The following PPP2R2B variants were observed in gnomAD, a reference collection of about 807,000 sequenced individuals.
PPP2R2B encodes the protein serine/threonine-protein phosphatase 2A 55 kDa regulatory subunit B beta isoform.
Under a neutral mutation model 46.0 loss-of-function variants are expected in PPP2R2B, and 5 were observed. The ratio of observed to expected loss-of-function variants is 0.11; its 90% CI spans 0.06 to 0.23. PPP2R2B has a LOEUF of 0.23. Ranked by LOEUF, PPP2R2B falls within the 10% of genes least tolerant of loss-of-function variation. The pLI is 1.00. For missense variants in PPP2R2B, 367 were observed against 575.0 expected (o/e 0.64, Z 3.70); for synonymous variants, 215 against 206.7 (o/e 1.04, Z -0.34).
At chr5:146,928,172 G>A (rs544605039) in intron 1 of PPP2R2B, among the ~76,000 whole-genome samples, 21 of 152,264 alleles carry the variant, frequency 1.4e-4, no homozygotes, top group African/African-American at 4.8e-4. Context: ...CTCAGCTCCT[G>A]TGACAGTTTT....
At chr5:146,685,646 A>T (rs768298839) in intron 5 of PPP2R2B, among the ~76,000 whole-genome samples, 2 of 152,228 alleles carry the variant, frequency 1.3e-5, no homozygotes, top group Non-Finnish European at 2.9e-5. Flanking sequence ...CCAGTGTCTT[A>T]GACGGTACCT....
At chr5:147,058,263 G>A (rs1267932583), upstream of PPP2R2B, among the ~76,000 whole-genome samples, 3 of 152,116 alleles carry the variant, frequency 2.0e-5, no homozygotes, top group Non-Finnish European at 4.4e-5. Context: ...CAAATGAAGT[G>A]GATTTGAGCC....
chr5:146,712,089 T>C (rs747181049), intron 2 of PPP2R2B, among the ~76,000 whole-genome samples: 14 of 152,220 alleles, frequency 9.2e-5, no homozygotes, highest in Non-Finnish European at 1.5e-4. Context: ...TCCTAAAACA[T>C]GAGGTCCCGA....
At chr5:146,606,295 T>C (rs1049918087) in intron 7 of PPP2R2B, among the ~76,000 whole-genome samples, 2 of 152,102 alleles carry the variant, frequency 1.3e-5, no homozygotes, top group Admixed American at 1.3e-4. Context: ...CTCATGCCCA[T>C]GTAGAGGGGT....
chr5:147,039,898 C>A (rs943245600), intron 1 of PPP2R2B, among the ~76,000 whole-genome samples: 2 of 152,038 alleles, frequency 1.3e-5, no homozygotes, highest in Non-Finnish European at 2.9e-5. Context: ...ATAAAGGGAC[C>A]AACAAATGGC....
intron 2 of PPP2R2B, chr5:146,707,418 G>A (rs1438634307): frequency 1.7e-5 from 13 of 774,928 alleles, no homozygotes; most frequent in Non-Finnish European, 2.1e-5. Flanking sequence ...TGACTGGGAC[G>A]GCAGTGATGC....
chr5:146,878,619 G>C lies in PPP2R2B; in HGVS notation c.-153C>G. The C allele has an allele frequency of 1.6e-6, 2 of 1,244,950 alleles. No individual in the cohort carries two copies. The highest frequency in any genetic ancestry group is 3.4e-4 in the Middle Eastern group (1 of 2,914). 77.1% of individuals were successfully genotyped at this position (1,244,950 alleles called of 1,614,324 possible). A position where few individuals can be genotyped will look rare whatever the true frequency, so the allele number is the denominator to read the frequency against. On this transcript the variant is annotated 5_prime_UTR_variant, in exon 1 of 10. Transcript: ENST00000394411. The surrounding 1 kb of genome is among the most constrained non-coding windows in gnomAD (Gnocchi z 4.5). Reference sequence around the variant, plus strand: ...GCCGGAATGAGGGTGCTGGTCCCACGGGAGGGCGGCTCCGGCAGGCGGGGG... The same window carrying C: ...GCCGGAATGAGGGTGCTGGTCCCACCGGAGGGCGGCTCCGGCAGGCGGGGG...
intron 1 of PPP2R2B, among the ~76,000 whole-genome samples, chr5:146,888,084 C>T (rs1375520172): frequency 6.6e-6 from 1 of 152,146 alleles, no homozygotes; most frequent in Admixed American, 6.5e-5. Flanking sequence ...GTACACTCCT[C>T]AGGCTCACTT....
chr5:146,592,193 C>A, intron 9 of PPP2R2B: 1 of 426,180 alleles, frequency 2.3e-6, no homozygotes. Flanking sequence ...TCCTTCCAAG[C>A]CTGCTAAGGA....
chr5:146,704,851 A>C (rs545765589), intron 2 of PPP2R2B, among the ~76,000 whole-genome samples: 17 of 152,314 alleles, frequency 1.1e-4, no homozygotes, highest in African/African-American at 3.8e-4. Flanking sequence ...TGTGAGGCTA[A>C]TGATTGTGAG....
chr5:146,975,524 A>G (rs1752858250), intron 1 of PPP2R2B, among the ~76,000 whole-genome samples: 1 of 152,194 alleles, frequency 6.6e-6, no homozygotes, highest in Non-Finnish European at 1.5e-5. Flanking sequence ...TATATATCTG[A>G]AGTGGAATGG....
intron 8 of PPP2R2B, among the ~76,000 whole-genome samples, chr5:146,599,703 G>A (rs142905554): frequency 5.3e-4 from 80 of 152,218 alleles, no homozygotes; most frequent in African/African-American, 1.9e-3. Flanking sequence ...GAACATGCAG[G>A]TTTGTTACAT....
chr5:146,676,380 C>T (rs1326104243), intron 5 of PPP2R2B, among the ~76,000 whole-genome samples: 1 of 152,158 alleles, frequency 6.6e-6, no homozygotes, highest in East Asian at 1.9e-4. Context: ...CCACCTGCAT[C>T]TTACTGGTAC....
At chr5:146,870,585 G>A (rs1387169217) in intron 2 of PPP2R2B, among the ~76,000 whole-genome samples, 2 of 152,110 alleles carry the variant, frequency 1.3e-5, no homozygotes, top group African/African-American at 2.4e-5. Context: ...AGTATGTGGC[G>A]TTTTTAAAAA....
At chr5:147,009,452 A>G (rs1580795230) in intron 1 of PPP2R2B, among the ~76,000 whole-genome samples, 1 of 152,278 alleles carries the variant, frequency 6.6e-6, no homozygotes, top group East Asian at 1.9e-4. Context: ...CAGATAATCT[A>G]AATCCTCTTT....
At chr5:146,730,691 G>A (rs567036200) in intron 2 of PPP2R2B, among the ~76,000 whole-genome samples, 1 of 152,188 alleles carries the variant, frequency 6.6e-6, no homozygotes, top group Admixed American at 6.5e-5. Context: ...ATTTTCTCTT[G>A]CCGCCACCAT....
intron 2 of PPP2R2B, among the ~76,000 whole-genome samples, chr5:146,727,460 G>A (rs1751946571): frequency 6.6e-6 from 1 of 151,896 alleles, no homozygotes; most frequent in Non-Finnish European, 1.5e-5. Flanking sequence ...CACTTTTTGT[G>A]GTGAGAATAT....
At chr5:146,879,492 C>T (rs907877756), upstream of PPP2R2B, among the ~76,000 whole-genome samples, 2 of 152,182 alleles carry the variant, frequency 1.3e-5, no homozygotes. Context: ...TGTGCAGGAA[C>T]ACCTTCTATT....
intron 2 of PPP2R2B, among the ~76,000 whole-genome samples, chr5:147,068,646 G>T (rs772536088): frequency 2.1e-4 from 32 of 152,096 alleles, no homozygotes; most frequent in Non-Finnish European, 3.5e-4. Context: ...ATTCTCTCAG[G>T]TACACCTGAT....
Sources: gnomAD v4.1 joint callset for allele counts (sites outside exome capture counted in the v4.1 genomes callset) on GRCh38, gnomAD v4.1.1 for gene constraint, Gnocchi (gnomAD v3.1) non-coding constraint, MANE v1.5 for transcripts, NCBI Gene and HGNC (gene_info 2026-07-23, HGNC 2026-07-21) for gene names.